Variants in MYH16 observed in about 807,000 individuals in gnomAD.
MYH16 encodes the protein myosin heavy chain 16.
At chr7:99,288,820 A>G (rs926825293) in intron 29 of MYH16, among the ~76,000 whole-genome samples, 21 of 151,636 alleles carry the variant, frequency 1.4e-4, no homozygotes, top group African/African-American at 5.1e-4. Flanking sequence ...CTGGCACATA[A>G]GAGTGCTCAA....
intron 30 of MYH16, 36 bp from the exon 12 acceptor site, chr7:99,291,287 T>C (rs1360684697): frequency 6.6e-6 from 3 of 453,160 alleles, no homozygotes; most frequent in Non-Finnish European, 8.9e-6. Flanking sequence ...GAACCAGTTC[T>C]TCATCCAATA....
intron 2 of MYH16, among the ~76,000 whole-genome samples, chr7:99,245,770 C>T (rs1318029498): frequency 3.3e-5 from 5 of 152,188 alleles, no homozygotes; most frequent in Middle Eastern, 3.2e-3. Flanking sequence ...CTGTGATCCG[C>T]CTGCCTCAGC....
chr7:99,283,895 A>C, exon 25 of MYH16: 1 of 456,528 alleles, frequency 2.2e-6, no homozygotes, highest in Non-Finnish European at 4.4e-6. Context: ...TGGGAGCAGG[A>C]AAAGAAAATC....
chr7:99,310,087 C>G (rs1308545700), downstream of MYH16, among the ~76,000 whole-genome samples: 1 of 151,760 alleles, frequency 6.6e-6, no homozygotes, highest in Non-Finnish European at 1.5e-5. Flanking sequence ...AATATTTTAA[C>G]AGAAATTTAA....
At chr7:99,246,120 C>T (rs1475273050) in intron 2 of MYH16, among the ~76,000 whole-genome samples, 1 of 150,838 alleles carries the variant, frequency 6.6e-6, no homozygotes, top group Admixed American at 6.6e-5. Context: ...GTGGAAGAAT[C>T]GCTTGAGCCC....
At chr7:99,270,374 T>C (rs1157854699) in intron 18 of MYH16, among the ~76,000 whole-genome samples, 1 of 148,890 alleles carries the variant, frequency 6.7e-6, no homozygotes, top group Non-Finnish European at 1.5e-5. Context: ...CAGGCTGGAG[T>C]GCAGTGGCGT....
intron 31 of MYH16, 30 bp downstream of exon 12, chr7:99,291,480 A>T (rs1469868511): frequency 4.4e-6 from 2 of 455,350 alleles, no homozygotes; most frequent in South Asian, 3.1e-5. Flanking sequence ...TGCGGTGGAG[A>T]CAGAGCTGCC....
At chr7:99,275,670 C>CA (rs141531455) in intron 20 of MYH16, among the ~76,000 whole-genome samples, 2,214 of 152,318 alleles carry the variant, frequency 0.015, 65 homozygotes, top group African/African-American at 0.051. Flanking sequence ...GACATGGTAG[C>CA]AACAGCTGTA....
At chr7:99,295,525 T>C (rs1158242253) in intron 33 of MYH16, among the ~76,000 whole-genome samples, 2 of 152,160 alleles carry the variant, frequency 1.3e-5, no homozygotes, top group Non-Finnish European at 2.9e-5. Context: ...GAGAATTAAA[T>C]AGGATTTCCA....
At position 99,298,654 on chromosome 7, in the gene MYH16, T is replaced by C. The variant is rs1584359429; in HGVS notation, n.4740+659T>C. On this transcript the variant is annotated intron_variant and non_coding_transcript_variant, in intron 36 of 41. Coordinates refer to ENST00000439784, the Ensembl canonical transcript of MYH16. Reference sequence around the variant, plus strand: ...GTCTGTTCTTTGCCCCTTTCAAAAATTGGATTGCTTCTTTTTATTGTTGAG... The same window carrying C: ...GTCTGTTCTTTGCCCCTTTCAAAAACTGGATTGCTTCTTTTTATTGTTGAG... 2.0e-5 allele frequency among the ~76,000 whole-genome samples: 3 copies of C among 152,206 alleles called. No homozygotes were observed. The South Asian group carries it at 6.2e-4, about 32-fold the overall frequency.
chr7:99,256,275 C>CAAAAAAAA (rs55894638), intron 9 of MYH16, among the ~76,000 whole-genome samples: 1 of 71,014 alleles, frequency 1.4e-5, no homozygotes, highest in Non-Finnish European at 2.7e-5. Flanking sequence ...CCCGTCTCTG[C>CAAAAAAAA]AAAAAAAAAA....
chr7:99,244,222 A>AC (rs1441964972), intron 2 of MYH16, among the ~76,000 whole-genome samples: 1 of 152,160 alleles, frequency 6.6e-6, no homozygotes, highest in East Asian at 1.9e-4. Context: ...ACACTCATCC[A>AC]CCCATCCATC....
chr7:99,283,883 A>C (rs976757828), exon 25 of MYH16: 10 of 455,912 alleles, frequency 2.2e-5, no homozygotes, highest in African/African-American at 2.0e-4. Context: ...CTGGAGGATA[A>C]CTGGGAGCAG....
At chr7:99,285,855 G>A (rs1203818719) in intron 27 of MYH16, among the ~76,000 whole-genome samples, 2 of 152,234 alleles carry the variant, frequency 1.3e-5, no homozygotes, top group African/African-American at 4.8e-5. Flanking sequence ...CTTGAGCGTG[G>A]GGATCCTACA....
At chr7:99,285,966 C>T (rs371139865) in intron 27 of MYH16, among the ~76,000 whole-genome samples, 104 of 152,106 alleles carry the variant, frequency 6.8e-4, no homozygotes, top group African/African-American at 1.5e-3. Flanking sequence ...CACTAATGCC[C>T]GCCCAGTGTG....
At chr7:99,281,854 C>T (rs1021344069) in intron 23 of MYH16, among the ~76,000 whole-genome samples, 1 of 152,218 alleles carries the variant, frequency 6.6e-6, no homozygotes, top group Non-Finnish European at 1.5e-5. Flanking sequence ...AAGAGCCAGA[C>T]AGTGGACCCC....
chr7:99,295,307 A>G (rs1261405516), intron 33 of MYH16, among the ~76,000 whole-genome samples: 1 of 150,676 alleles, frequency 6.6e-6, no homozygotes, highest in Non-Finnish European at 1.5e-5. Flanking sequence ...TGAACCCAGG[A>G]GGTGGAGTTG....
At chr7:99,284,893 G>C (rs1486138148) in exon 26 of MYH16, 2 of 456,632 alleles carry the variant, frequency 4.4e-6, no homozygotes, top group African/African-American at 4.0e-5. Flanking sequence ...AGGATGAGCA[G>C]TCTCTGAATT....
intron 37 of MYH16, among the ~76,000 whole-genome samples, chr7:99,299,927 TTTTATTTA>T (rs61663432): frequency 0.021 from 2,848 of 138,204 alleles, 60 homozygotes; most frequent in South Asian, 0.05. Flanking sequence ...TTTTATTTTA[TTTTATTTA>T]TTTATTTATT....
Sources: gnomAD v4.1 joint callset for allele counts (sites outside exome capture counted in the v4.1 genomes callset) on GRCh38, gnomAD v4.1.1 for gene constraint, MANE v1.5 for transcripts, NCBI Gene and HGNC (gene_info 2026-07-23, HGNC 2026-07-21) for gene names.